The following TNNI3K variants were observed in gnomAD, a reference collection of about 807,000 sequenced individuals.
The protein encoded by TNNI3K is TNNI3 interacting kinase.
TNNI3K carries 140 observed loss-of-function variants against 114.5 expected under a neutral mutation model. The ratio of observed to expected loss-of-function variants is 1.22; its 90% CI spans 1.07 to 1.41. The LOEUF (loss-of-function observed/expected upper bound fraction) is 1.41, where lower values mean the gene tolerates loss of function less well. Ranked by LOEUF, TNNI3K falls within the 40% of genes most tolerant of loss-of-function variation. The pLI, the probability that TNNI3K is intolerant of heterozygous loss-of-function variation, is 0.00. For missense variants in TNNI3K, 1,125 were observed against 1,007.6 expected (o/e 1.12, Z -1.58); for synonymous variants, 347 against 347.5 (o/e 1.00, Z 0.02).
chr1:74,381,743 A>G (rs1019898789), intron 17 of TNNI3K, among the ~76,000 whole-genome samples: 15 of 152,200 alleles, frequency 9.9e-5, no homozygotes, highest in Admixed American at 9.2e-4. Flanking sequence ...ATAGAATTTG[A>G]TTAAAAATGT....
At chr1:74,416,498 A>T (rs1000463703) in intron 17 of TNNI3K, 1 of 982,732 alleles carries the variant, frequency 1.0e-6, no homozygotes, top group Non-Finnish European at 1.2e-6. Context: ...TTACACTAGT[A>T]GGTGTGACAG....
chr1:74,242,559 TA>T (rs1654304463), intron 2 of TNNI3K, among the ~76,000 whole-genome samples: 1 of 152,160 alleles, frequency 6.6e-6, no homozygotes, highest in Non-Finnish European at 1.5e-5. Context: ...GTCAAACTAC[TA>T]AGTAGGATAT....
At chr1:74,488,451 T>C (rs1668877828) in intron 21 of TNNI3K, among the ~76,000 whole-genome samples, 1 of 152,114 alleles carries the variant, frequency 6.6e-6, no homozygotes, top group Non-Finnish European at 1.5e-5. Flanking sequence ...GCAGTGAAAG[T>C]TTCAAAAAAG....
rs1389621533 is a variant in TNNI3K, at chr1:74,416,467, T to C, written c.1773-19613T>C. 4.1e-6 allele frequency: 4 copies of C among 971,766 alleles called. No homozygotes were observed. In the African/African-American group the frequency reaches 7.0e-5, roughly 17 times the overall value. 60.2% of individuals were successfully genotyped at this position (971,766 alleles called of 1,614,324 possible). On this transcript the variant is annotated intron_variant, in intron 17 of 24. Coordinates refer to ENST00000326637, the MANE Select transcript of TNNI3K (RefSeq NM_015978.3). ...GGTGCCTAGAAGTTATTGGAGTAGATTCTCCCAAAAGGTAGAGGCTTTACA... is the reference window on the plus strand; with the variant it reads ...GGTGCCTAGAAGTTATTGGAGTAGACTCTCCCAAAAGGTAGAGGCTTTACA...
chr1:74,544,097 T>G lies in TNNI3K; in HGVS notation c.*115T>G. ...TTTACTCTCAAAGGTCTCCTTAAAT[T>G]GGGCTTGTTTTTACTTGTCCTATTT... On this transcript the variant is annotated 3_prime_UTR_variant, in exon 25 of 25. Coordinates refer to ENST00000326637, the MANE Select transcript of TNNI3K (RefSeq NM_015978.3). The G allele has an allele frequency of 8.4e-7, 1 of 1,184,252 alleles. No individual in the cohort carries two copies. The highest frequency in any genetic ancestry group is 1.2e-6 in the Non-Finnish European group (1 of 862,652). The allele number at this position is 1,184,252 out of a possible 1,614,324, so 73.4% of individuals were successfully genotyped here.
chr1:74,383,108 A>G (rs536037968), intron 17 of TNNI3K, among the ~76,000 whole-genome samples: 1 of 151,936 alleles, frequency 6.6e-6, no homozygotes, highest in South Asian at 2.1e-4. Context: ...AGAATGTGAA[A>G]GACATTCTGA....
chr1:74,343,582 C>T (rs1660856898), intron 9 of TNNI3K, among the ~76,000 whole-genome samples: 1 of 152,204 alleles, frequency 6.6e-6, no homozygotes, highest in African/African-American at 2.4e-5. Flanking sequence ...TTAAATGTGA[C>T]ACTTGTTTCC....
At chr1:74,483,247 T>C (rs1229301718) in intron 21 of TNNI3K, 1 of 716,844 alleles carries the variant, frequency 1.4e-6, no homozygotes, top group Non-Finnish European at 2.6e-6. Flanking sequence ...TTTTTAGAGT[T>C]ATTAGTTTTA....
chr1:74,371,890 T>C (rs1662626472), intron 17 of TNNI3K: 1 of 151,692 alleles, frequency 6.6e-6, no homozygotes, highest in Non-Finnish European at 1.5e-5. Context: ...GAGGGAGTTG[T>C]TGCAGTAATC....
At chr1:74,294,794 TC>T (rs1365137886) in intron 5 of TNNI3K, among the ~76,000 whole-genome samples, 2 of 152,034 alleles carry the variant, frequency 1.3e-5, no homozygotes, top group African/African-American at 2.4e-5. Flanking sequence ...AGGTATCTGG[TC>T]AGAAATTTTT....
At chr1:74,351,400 T>C (rs1337993468) in intron 9 of TNNI3K, among the ~76,000 whole-genome samples, 3 of 152,046 alleles carry the variant, frequency 2.0e-5, no homozygotes, top group South Asian at 2.1e-4. Flanking sequence ...GCCCTTAACA[T>C]TTTTTCCTTT....
At chr1:74,485,350 T>A (rs1034326875) in intron 21 of TNNI3K, among the ~76,000 whole-genome samples, 6 of 152,144 alleles carry the variant, frequency 3.9e-5, no homozygotes, top group African/African-American at 1.4e-4. Context: ...CTCAGTTCAT[T>A]TATTTTAGTC....
chr1:74,388,001 C>T (rs1451420938), intron 17 of TNNI3K, among the ~76,000 whole-genome samples: 3 of 152,098 alleles, frequency 2.0e-5, no homozygotes, highest in Admixed American at 1.3e-4. Context: ...CACTTAAGGC[C>T]GGGCATGGCA....
chr1:74,296,394 T>C (rs886784921), intron 5 of TNNI3K, among the ~76,000 whole-genome samples: 2 of 152,232 alleles, frequency 1.3e-5, no homozygotes, highest in African/African-American at 4.8e-5. Context: ...TCTTTTATTC[T>C]ATTTTTGTCA....
At chr1:74,472,830 A>G (rs1668004059) in intron 21 of TNNI3K, among the ~76,000 whole-genome samples, 1 of 152,172 alleles carries the variant, frequency 6.6e-6, no homozygotes, top group Admixed American at 6.6e-5. Flanking sequence ...AAAATGGTAC[A>G]GATTAATATA....
chr1:74,275,855 A>G, intron 5 of TNNI3K, among the ~76,000 whole-genome samples: 1 of 152,108 alleles, frequency 6.6e-6, no homozygotes, highest in East Asian at 1.9e-4. Flanking sequence ...ACACAAGAGT[A>G]GATGGCATGG....
chr1:74,364,364 C>A (rs1318165566), intron 11 of TNNI3K, among the ~76,000 whole-genome samples: 1 of 151,572 alleles, frequency 6.6e-6, no homozygotes, highest in Non-Finnish European at 1.5e-5. Context: ...AAATGGCCAC[C>A]AAAGCTAGAA....
chr1:74,295,736 A>G (rs1000305672), intron 5 of TNNI3K, among the ~76,000 whole-genome samples: 1 of 152,068 alleles, frequency 6.6e-6, no homozygotes, highest in Non-Finnish European at 1.5e-5. Context: ...AACTTTTTGC[A>G]TCTTTATATT....
intron 5 of TNNI3K, among the ~76,000 whole-genome samples, chr1:74,292,025 C>G (rs978246353): frequency 3.3e-5 from 5 of 151,376 alleles, no homozygotes; most frequent in Admixed American, 3.3e-4. Context: ...CATGCAACAT[C>G]CTATATAAAG....
Sources: allele counts gnomAD v4.1 joint callset (sites outside exome capture counted in the v4.1 genomes callset), GRCh38; gene constraint gnomAD v4.1.1; transcripts MANE v1.5; gene names NCBI Gene and HGNC (gene_info 2026-07-23, HGNC 2026-07-21).